The following GABRA1 variants were observed in gnomAD, a reference collection of about 807,000 sequenced individuals.
The protein encoded by GABRA1 is gamma-aminobutyric acid receptor subunit alpha-1.
A neutral mutation model predicts 48.9 loss-of-function variants in GABRA1; 9 were observed. That is an observed-to-expected ratio of 0.18 (90% CI 0.11 to 0.32). The LOEUF (loss-of-function observed/expected upper bound fraction) is 0.32, where lower values mean the gene tolerates loss of function less well. Among genes scored for constraint, GABRA1 ranks in the 10% least tolerant of loss-of-function variants. The pLI, the probability that GABRA1 is intolerant of heterozygous loss-of-function variation, is 1.00. For synonymous variants in GABRA1, 210 were observed against 198.7 expected (o/e 1.06, Z -0.48); for missense variants, 285 against 553.8 (o/e 0.51, Z 4.87).
intron 9 of GABRA1, 79 bp downstream of exon 9, chr5:161,895,947 G>C (rs1755347101): frequency 8.6e-7 from 1 of 1,158,682 alleles, no homozygotes; most frequent in Admixed American, 1.7e-5. Flanking sequence ...TTGGCCTGTG[G>C]TATTGGATGG....
rs1755304702 is a variant in GABRA1, at chr5:161,895,179, T to C, written c.857-487T>C. ...ACCATGAGTCAATAAAGTGGCAATT[T>C]TCCCCGAATAGTTCAATTATCTATA... On this transcript the variant is annotated intron_variant, in intron 8 of 9. Coordinates refer to ENST00000393943, the MANE Select transcript of GABRA1 (RefSeq NM_001127644.2). 2.0e-5 allele frequency among the ~76,000 whole-genome samples: 3 copies of C among 152,162 alleles called. No individual in the cohort carries two copies. The South Asian group carries it at 6.2e-4, about 31-fold the overall frequency.
intron 3 of GABRA1, among the ~76,000 whole-genome samples, chr5:161,856,605 G>A (rs966420043): frequency 3.3e-5 from 5 of 150,894 alleles, no homozygotes; most frequent in African/African-American, 1.2e-4. Flanking sequence ...CATCCTATTG[G>A]AATTTAGTAC....
chr5:161,877,750 A>G (rs908247823), intron 6 of GABRA1, among the ~76,000 whole-genome samples: 1 of 152,220 alleles, frequency 6.6e-6, no homozygotes, highest in Non-Finnish European at 1.5e-5. Flanking sequence ...TAGTGAGTAG[A>G]AAACAGTGTC....
chr5:161,865,466 A>C (rs544687955), intron 3 of GABRA1, among the ~76,000 whole-genome samples: 1 of 152,244 alleles, frequency 6.6e-6, no homozygotes, highest in South Asian at 2.1e-4. Flanking sequence ...CTCTTGAAGA[A>C]TTCATTAGGC....
At chr5:161,861,936 A>C (rs556393917) in intron 3 of GABRA1, among the ~76,000 whole-genome samples, 22 of 151,774 alleles carry the variant, frequency 1.4e-4, no homozygotes, top group Non-Finnish European at 2.9e-4. Context: ...AAGGCAATAG[A>C]CCTCCATCAT....
intron 8 of GABRA1, among the ~76,000 whole-genome samples, chr5:161,893,777 G>C (rs187611754): frequency 6.6e-6 from 1 of 152,098 alleles, no homozygotes; most frequent in Non-Finnish European, 1.5e-5. Flanking sequence ...TTAAATGAAA[G>C]TACAAGGAAA....
intron 7 of GABRA1, among the ~76,000 whole-genome samples, chr5:161,886,946 A>T (rs1256102796): frequency 1.3e-5 from 2 of 152,150 alleles, no homozygotes; most frequent in East Asian, 3.9e-4. Flanking sequence ...CTTCAAGGAC[A>T]GCCCATGCAA....
chr5:161,856,918 T>A (rs908698127), intron 3 of GABRA1, among the ~76,000 whole-genome samples: 1 of 151,250 alleles, frequency 6.6e-6, no homozygotes, highest in Non-Finnish European at 1.5e-5. Context: ...TTGACATTAT[T>A]GTGGCTTTTT....
chr5:161,866,700 T>G (rs542300058), intron 4 of GABRA1, among the ~76,000 whole-genome samples: 1 of 152,270 alleles, frequency 6.6e-6, no homozygotes, highest in South Asian at 2.1e-4. Context: ...TCTGGTGTTT[T>G]CACAATTGTA....
chr5:161,848,442 A>G lies in GABRA1; in HGVS notation c.-16+20A>G, dbSNP rs934504268. 2 of 147,528 alleles carry G rather than the reference A, an allele frequency of 1.4e-5. No homozygotes were observed. The highest frequency in any genetic ancestry group is 5.1e-5 in the African/African-American group (2 of 39,536). The allele number at this position is 147,528 out of a possible 1,614,324, so 9.1% of individuals were successfully genotyped here. On this transcript the variant is annotated intron_variant, in intron 1 of 9. Coordinates refer to ENST00000393943, the MANE Select transcript of GABRA1 (RefSeq NM_001127644.2). ...CCTTAGGTAAGTGCGACTTTGGACC[A>G]CGATACACAGACAGAGCTTTGAACG...
chr5:161,878,979 G>C (rs1036327713), intron 6 of GABRA1, among the ~76,000 whole-genome samples: 1 of 152,184 alleles, frequency 6.6e-6, no homozygotes, highest in Non-Finnish European at 1.5e-5. Context: ...TGGAAACACA[G>C]AGACTCATAA....
Position 161,850,894 on chromosome 5 carries a change from C to T in GABRA1, c.74+10C>T, listed in dbSNP as rs557887445. ...CACTGACTGGAAGAAGGTGGGGACA[C>T]TTTTTTAAAAATCTGCATGAAAATT... On this transcript the variant is annotated intron_variant, in intron 2 of 9. Transcript: ENST00000393943. 4 of 1,610,212 alleles carry T rather than the reference C, an allele frequency of 2.5e-6. No individual in the cohort carries two copies.
chr5:161,857,846 G>T (rs984645110), intron 3 of GABRA1, among the ~76,000 whole-genome samples: 3 of 151,446 alleles, frequency 2.0e-5, no homozygotes, highest in African/African-American at 7.3e-5. Flanking sequence ...GCAAGGTGTG[G>T]GGGGCTGCTA....
rs1273329649 is a variant in GABRA1, at chr5:161,882,766, A to G, written c.703+65A>G. 4.1e-6 allele frequency: 6 copies of G among 1,470,500 alleles called. No individual in the cohort carries two copies. In the East Asian group the frequency reaches 6.9e-5, roughly 17 times the overall value. 91.1% of individuals were successfully genotyped at this position (1,470,500 alleles called of 1,614,324 possible). A position where few individuals can be genotyped will look rare whatever the true frequency, so the allele number is the denominator to read the frequency against. ...AAGAATAATATTTTGTGAGAACTCA[A>G]TGAATCATTCAGTAACACAAGTCTA... On this transcript the variant is annotated intron_variant, in intron 7 of 9. Transcript: ENST00000393943.
intron 6 of GABRA1, among the ~76,000 whole-genome samples, chr5:161,878,954 T>C (rs1754487733): frequency 6.6e-6 from 1 of 152,216 alleles, no homozygotes; most frequent in Admixed American, 6.6e-5. Context: ...ATTTTGTTCA[T>C]GTGGCTCATA....
At chr5:161,893,009 A>AAATAAT (rs60042641) in intron 8 of GABRA1, among the ~76,000 whole-genome samples, 1,955 of 122,390 alleles carry the variant, frequency 0.016, 30 homozygotes, top group Non-Finnish European at 0.023. Flanking sequence ...CTTCTCAAAA[A>AAATAAT]AATAATAATA....
At chr5:161,863,880 A>G (rs1243680549) in intron 3 of GABRA1, among the ~76,000 whole-genome samples, 1 of 151,926 alleles carries the variant, frequency 6.6e-6, no homozygotes, top group Non-Finnish European at 1.5e-5. Context: ...AAGTTTGACC[A>G]TATTTATTTA....
intron 8 of GABRA1, among the ~76,000 whole-genome samples, 184 bp downstream of exon 8, chr5:161,891,234 A>G (rs1267704100): frequency 6.6e-6 from 1 of 152,214 alleles, no homozygotes; most frequent in African/African-American, 2.4e-5. Flanking sequence ...TTAACTAGCA[A>G]GCTGTTTTAG....
At chr5:161,884,925 G>C (rs1183170280) in intron 7 of GABRA1, among the ~76,000 whole-genome samples, 3 of 152,034 alleles carry the variant, frequency 2.0e-5, no homozygotes, top group Non-Finnish European at 4.4e-5. Context: ...GCTTTCAAGG[G>C]ATTCAACCTG....
Sources: gnomAD v4.1 joint callset for allele counts (sites outside exome capture counted in the v4.1 genomes callset) on GRCh38, gnomAD v4.1.1 for gene constraint, MANE v1.5 for transcripts, NCBI Gene and HGNC (gene_info 2026-07-23, HGNC 2026-07-21) for gene names.